The following TNPO1 variants were observed in gnomAD, a reference collection of about 807,000 sequenced individuals.
The protein encoded by TNPO1 is transportin 1.
A neutral mutation model predicts 119.5 loss-of-function variants in TNPO1; 8 were observed. The ratio of observed to expected loss-of-function variants is 0.07; its 90% confidence interval spans 0.04 to 0.12. The LOEUF (loss-of-function observed/expected upper bound fraction) is 0.12, where lower values mean the gene tolerates loss of function less well. TNPO1 is among the 10% of genes least tolerant of loss of function. TNPO1 has a pLI of 1.00. For missense variants in TNPO1, 576 were observed against 1,089.8 expected, an observed-to-expected ratio of 0.53 and a Z score of 6.64; for synonymous variants, 362 against 363.0, an observed-to-expected ratio of 1.00 and a Z score of 0.03.
rs980058892 is a variant in TNPO1 at position 72,817,036 on chromosome 5, G to A, written c.15+284G>A. ...AGGAGCCCGTTACAAGGGGCGGGAA[G>A]GGAAGGGTCTTACATTCAGGGGAGC... On this transcript the variant is annotated intron_variant, in intron 1 of 24. Coordinates refer to ENST00000337273, the MANE Select transcript of TNPO1 (RefSeq NM_002270.4). 15 of 471,774 alleles carry A rather than the reference G, an allele frequency of 3.2e-5. 1 individual carries two copies. The South Asian group carries it at 4.9e-4, about 15-fold the overall frequency. 29.2% of individuals were successfully genotyped at this position (471,774 alleles called of 1,614,324 possible).
intron 6 of TNPO1, among the ~76,000 whole-genome samples, chr5:72,867,733 A>G (rs1319668598): frequency 6.6e-6 from 1 of 152,252 alleles, no homozygotes; most frequent in East Asian, 1.9e-4. Flanking sequence ...GGTGAGATAT[A>G]TCTTAGTTTT....
chr5:72,861,114 T>C (rs1448022143), intron 4 of TNPO1, among the ~76,000 whole-genome samples: 1 of 152,088 alleles, frequency 6.6e-6, no homozygotes, highest in Non-Finnish European at 1.5e-5. Flanking sequence ...TTTCTCCATG[T>C]TGGTCAGGCT....
At chr5:72,863,460 C>T (rs989026847) in intron 5 of TNPO1, among the ~76,000 whole-genome samples, 2 of 151,886 alleles carry the variant, frequency 1.3e-5, no homozygotes, top group African/African-American at 4.8e-5. Flanking sequence ...TGATGTGTGC[C>T]TGTGGTCCCA....
intron 5 of TNPO1, among the ~76,000 whole-genome samples, chr5:72,863,336 A>C (rs1233691136): frequency 6.6e-6 from 1 of 152,124 alleles, no homozygotes; most frequent in Non-Finnish European, 1.5e-5. Flanking sequence ...AAAAGAAACT[A>C]TCCGCCATGG....
At chr5:72,829,096 A>G (rs1744334153) in intron 1 of TNPO1, among the ~76,000 whole-genome samples, 1 of 152,158 alleles carries the variant, frequency 6.6e-6, no homozygotes. Flanking sequence ...AGAGTTTTTC[A>G]AAAAGAGTTT....
intron 24 of TNPO1, among the ~76,000 whole-genome samples, chr5:72,908,132 G>T (rs1379434080): frequency 2.6e-5 from 4 of 152,066 alleles, no homozygotes; most frequent in South Asian, 2.1e-4. Context: ...GATACTTACT[G>T]AATGTAGTGA....
intron 1 of TNPO1, among the ~76,000 whole-genome samples, chr5:72,826,041 T>C (rs1376408515): frequency 6.6e-6 from 1 of 152,118 alleles, no homozygotes; most frequent in African/African-American, 2.4e-5. Context: ...GCTTGCTATG[T>C]CTGTCCTGTT....
intron 1 of TNPO1, 161 bp downstream of exon 1, chr5:72,816,913 T>C (rs944353020): frequency 1.2e-5 from 10 of 857,754 alleles, no homozygotes; most frequent in Non-Finnish European, 1.7e-5. Context: ...GGCGCGGTTC[T>C]AACCCCAACA....
intron 9 of TNPO1, among the ~76,000 whole-genome samples, chr5:72,880,078 T>C (rs1748118296): frequency 6.6e-6 from 1 of 152,068 alleles, no homozygotes; most frequent in Admixed American, 6.5e-5. Flanking sequence ...TTCCAGCTAC[T>C]TGTGTGGCTG....
chr5:72,824,966 T>C (rs1174007950), intron 1 of TNPO1, among the ~76,000 whole-genome samples: 1 of 152,196 alleles, frequency 6.6e-6, no homozygotes, highest in African/African-American at 2.4e-5. Context: ...GGCAACTCCG[T>C]CCTCCTGTAG....
chr5:72,856,588 T>C (rs1746019269), intron 4 of TNPO1, among the ~76,000 whole-genome samples: 1 of 152,196 alleles, frequency 6.6e-6, no homozygotes, highest in African/African-American at 2.4e-5. Context: ...CACTTTTACA[T>C]GTGAAGAAAT....
chr5:72,827,242 G>A (rs1744244014), intron 1 of TNPO1, among the ~76,000 whole-genome samples: 1 of 152,180 alleles, frequency 6.6e-6, no homozygotes, highest in African/African-American at 2.4e-5. Context: ...GAGACTACTA[G>A]GTGATAAGTT....
intron 6 of TNPO1, among the ~76,000 whole-genome samples, chr5:72,870,601 T>C (rs1747317432): frequency 1.3e-5 from 2 of 152,238 alleles, no homozygotes; most frequent in African/African-American, 4.8e-5. Flanking sequence ...CTTTCTAGTT[T>C]TTTCCTTCAT....
At chr5:72,902,736 C>A (rs1033552963) in intron 22 of TNPO1, among the ~76,000 whole-genome samples, 14 of 152,034 alleles carry the variant, frequency 9.2e-5, no homozygotes, top group Non-Finnish European at 1.5e-5. Context: ...AACTTTTATT[C>A]ACATACCTTA....
chr5:72,823,515 A>G (rs1396811732), intron 1 of TNPO1, among the ~76,000 whole-genome samples: 1 of 152,022 alleles, frequency 6.6e-6, no homozygotes, highest in Non-Finnish European at 1.5e-5. Flanking sequence ...CTATTTTTGC[A>G]GCTCACTCCT....
chr5:72,868,934 G>A (rs1258896725), intron 6 of TNPO1, among the ~76,000 whole-genome samples: 1 of 151,998 alleles, frequency 6.6e-6, no homozygotes, highest in East Asian at 1.9e-4. Flanking sequence ...CTTGAACCCG[G>A]GAGGCGGAGG....
rs1750455618 is a variant in TNPO1, at chr5:72,910,079, C to G, written c.*1406C>G. On this transcript the variant is annotated 3_prime_UTR_variant, in exon 25 of 25. Transcript: ENST00000337273. ...ACTCAACATACTGCCTTCTAAGCTT[C>G]CCTTTTTTTGTTCAAAGCATGATCT... 6.6e-6 allele frequency: 1 copy of G among 152,580 alleles called. No individual in the cohort carries two copies. The highest frequency in any genetic ancestry group is 2.1e-4 in the South Asian group (1 of 4,834). 9.5% of individuals were successfully genotyped at this position (152,580 alleles called of 1,614,324 possible).
chr5:72,908,479 A>C (rs1750329381), intron 24 of TNPO1, among the ~76,000 whole-genome samples: 1 of 152,136 alleles, frequency 6.6e-6, no homozygotes, highest in Non-Finnish European at 1.5e-5. Context: ...CAACTCTCCT[A>C]CCCAGCTTGA....
At chr5:72,873,446 C>T (rs1207443198) in intron 7 of TNPO1, among the ~76,000 whole-genome samples, 3 of 151,970 alleles carry the variant, frequency 2.0e-5, no homozygotes, top group Admixed American at 6.6e-5. Context: ...CTTTTTTTCT[C>T]GTCACTTAAA....
Sources: allele counts gnomAD v4.1 joint callset (sites outside exome capture counted in the v4.1 genomes callset), GRCh38; gene constraint gnomAD v4.1.1; transcripts MANE v1.5; gene names NCBI Gene and HGNC (gene_info 2026-07-23, HGNC 2026-07-21).